The following RTN4RL1 variants were observed in gnomAD, a reference collection of about 807,000 sequenced individuals.
RTN4RL1 encodes the protein reticulon 4 receptor like 1.
Under a neutral mutation model 25.6 loss-of-function variants are expected in RTN4RL1, and 7 were observed. The observed-to-expected ratio is 0.27, with a 90% CI of 0.16 to 0.51. RTN4RL1 has a LOEUF of 0.51. RTN4RL1 is among the 20% of genes least tolerant of loss of function. RTN4RL1 has a pLI of 0.97. For synonymous variants in RTN4RL1, 297 were observed against 288.2 expected, an observed-to-expected ratio of 1.03 and a Z score of -0.31; for missense variants, 500 against 615.6, an observed-to-expected ratio of 0.81 and a Z score of 1.99.
At chr17:1,962,165 A>C (rs967803154) in intron 1 of RTN4RL1, among the ~76,000 whole-genome samples, 1 of 151,158 alleles carries the variant, frequency 6.6e-6, no homozygotes, top group South Asian at 2.1e-4. Flanking sequence ...ATGCAGTCCC[A>C]GCTACTCAGG....
rs1375961303 is a variant in RTN4RL1 at position 1,937,626 on chromosome 17, T to C, written c.196A>G (p.Ile66Val). 4 of 1,613,888 alleles carry C rather than the reference T, an allele frequency of 2.5e-6. No homozygotes were observed. The highest frequency in any genetic ancestry group is 8.5e-7 in the Non-Finnish European group (1 of 1,179,830). Residue 66 changes from isoleucine to valine, a missense_variant, in exon 2 of 2, where the codon ATC becomes GTC. Ile to Val is a conservative substitution (Grantham distance 29). Coordinates refer to ENST00000331238, the MANE Select transcript of RTN4RL1 (RefSeq NM_178568.4). ...SERVFLQNNR[I>V]GLLQPGHFSP... ...AAGTGGCCGGGCTGGAGGAGGCCGA[T>C]GCGGTTGTTCTGCAGGAAGACGCGC...
chr17:1,982,083 T>C lies in RTN4RL1; in HGVS notation c.13+42770A>G, dbSNP rs569051414. Among the ~76,000 whole-genome samples, 44 of 143,004 alleles carry C rather than the reference T, an allele frequency of 3.1e-4. 1 individual carries two copies. The South Asian group carries it at 9.1e-3, about 30-fold the overall frequency. The allele number at this position is 143,004 out of a possible 152,430, so 93.8% of individuals were successfully genotyped here. A position where few individuals can be genotyped will look rare whatever the true frequency, so the allele number is the denominator to read the frequency against. On this transcript the variant is annotated intron_variant, in intron 1 of 1. Transcript: ENST00000331238. ...GGGAGGCCGAGGCGGGTGGATCACC[T>C]GAGGTCAGGAGTTCCAGACCAGCAT...
chr17:1,945,109 A>G (rs1915510656), intron 1 of RTN4RL1, among the ~76,000 whole-genome samples: 1 of 151,990 alleles, frequency 6.6e-6, no homozygotes, highest in Non-Finnish European at 1.5e-5. Context: ...CTCTGCCTGG[A>G]GCGCTTCCCA....
rs140402594 is a variant in RTN4RL1, at chr17:1,997,519, T to C, written c.13+27334A>G. ...TGCAGGTCTGAACTTGTCTGTCTGGTAGTCGACAAGTATGACTGGCCCATA... is the reference window on the plus strand; with the variant it reads ...TGCAGGTCTGAACTTGTCTGTCTGGCAGTCGACAAGTATGACTGGCCCATA... On this transcript the variant is annotated intron_variant, in intron 1 of 1. Coordinates refer to ENST00000331238, the MANE Select transcript of RTN4RL1 (RefSeq NM_178568.4). 1.2e-4 allele frequency among the ~76,000 whole-genome samples: 18 copies of C among 152,368 alleles called. No individual in the cohort carries two copies. In the East Asian group the frequency reaches 3.1e-3, roughly 26 times the overall value.
chr17:1,943,278 C>A (rs1321908981), intron 1 of RTN4RL1, among the ~76,000 whole-genome samples: 1 of 152,244 alleles, frequency 6.6e-6, no homozygotes, highest in African/African-American at 2.4e-5. Flanking sequence ...GACTGCAAGT[C>A]CAGGGCTCTG....
At chr17:1,955,758 A>G (rs1015590860) in intron 1 of RTN4RL1, among the ~76,000 whole-genome samples, 1 of 151,400 alleles carries the variant, frequency 6.6e-6, no homozygotes, top group East Asian at 2.0e-4. Flanking sequence ...GAATTTTTGT[A>G]TTTTTAGTAG....
chr17:2,024,748 G>A (rs968683237), intron 1 of RTN4RL1, 105 bp downstream of exon 1: 5 of 1,175,582 alleles, frequency 4.3e-6, no homozygotes, highest in East Asian at 5.5e-5. Flanking sequence ...CAGCCCGCCG[G>A]GGGCTACTTC....
rs1337468366 is a variant in RTN4RL1, at chr17:1,937,005, A to G, written c.817T>C (p.Phe273Leu). 6.2e-7 allele frequency: 1 copy of G among 1,603,936 alleles called. No individual in the cohort carries two copies. Among genetic ancestry groups the G allele is most frequent in the East Asian group, 2.2e-5 (1 of 44,648 alleles). The change falls in exon 2 of 2, where the codon TTC (phenylalanine) becomes CTC (leucine). Residue 273 changes from phenylalanine (F) to leucine (L), a missense_variant. By Grantham distance (22) the Phe-to-Leu change is conservative. Transcript: ENST00000331238. ...GGGACAGCGGAGCTGGAGCCCCGGA[A>G]CCTCTGCAGCCATTCCCACAGGGAG... ...ARSLWEWLQR[F>L]RGSSSAVPCV...
intron 1 of RTN4RL1, among the ~76,000 whole-genome samples, chr17:2,008,854 C>T (rs2067021639): frequency 6.6e-6 from 1 of 152,098 alleles, no homozygotes; most frequent in Non-Finnish European, 1.5e-5. Context: ...CCGCCTTCCC[C>T]CTGGCTTGAA....
chr17:1,938,348 G>C (rs968483216), intron 1 of RTN4RL1, among the ~76,000 whole-genome samples: 13 of 151,898 alleles, frequency 8.6e-5, no homozygotes, highest in African/African-American at 3.1e-4. Context: ...TGTTGCCCAG[G>C]CTGGAGTGCA....
intron 1 of RTN4RL1, among the ~76,000 whole-genome samples, chr17:1,951,251 C>T (rs897624001): frequency 3.2e-4 from 48 of 149,944 alleles, no homozygotes; most frequent in African/African-American, 1.2e-3. Context: ...GGCGACAGAG[C>T]GAGACTCCGT....
chr17:1,966,670 C>A (rs1265133417), intron 1 of RTN4RL1, among the ~76,000 whole-genome samples: 1 of 152,108 alleles, frequency 6.6e-6, no homozygotes, highest in Non-Finnish European at 1.5e-5. Context: ...ACTAACATAG[C>A]CAAGGGTCTG....
At chr17:1,943,642 C>A (rs887051942) in intron 1 of RTN4RL1, among the ~76,000 whole-genome samples, 1 of 152,336 alleles carries the variant, frequency 6.6e-6, no homozygotes, top group African/African-American at 2.4e-5. Context: ...CAGGCCAGGC[C>A]GGCTGCACTT....
chr17:1,977,152 T>C (rs1195283368), intron 1 of RTN4RL1, among the ~76,000 whole-genome samples: 5 of 152,232 alleles, frequency 3.3e-5, no homozygotes, highest in African/African-American at 1.2e-4. Flanking sequence ...AATACATTTA[T>C]CTAAGTGAAA....
intron 1 of RTN4RL1, among the ~76,000 whole-genome samples, chr17:1,971,833 G>A (rs1364637446): frequency 6.6e-6 from 1 of 151,494 alleles, no homozygotes; most frequent in East Asian, 1.9e-4. Flanking sequence ...GTGGTGGCGG[G>A]CGCCTGTAGT....
At chr17:1,952,477 C>A (rs947402656) in intron 1 of RTN4RL1, among the ~76,000 whole-genome samples, 3 of 151,484 alleles carry the variant, frequency 2.0e-5, no homozygotes, top group Non-Finnish European at 4.4e-5. Flanking sequence ...GCTGGGATTG[C>A]GAATGCAGGC....
At chr17:2,013,997 ACT>A (rs1484740815) in intron 1 of RTN4RL1, among the ~76,000 whole-genome samples, 11 of 152,018 alleles carry the variant, frequency 7.2e-5, no homozygotes, top group African/African-American at 1.9e-4. Flanking sequence ...CTTCTCCCCT[ACT>A]CTGTTTCAAC....
intron 1 of RTN4RL1, among the ~76,000 whole-genome samples, chr17:1,963,598 G>T (rs4525525): frequency 0.25 from 37,293 of 152,170 alleles, 4,777 homozygotes; most frequent in Admixed American, 0.34. Context: ...GGGCCTCTAG[G>T]ATCAGAGCGG....
Position 2,024,975 on chromosome 17 carries a change from G to T in RTN4RL1, c.-110C>A. On this transcript the variant is annotated 5_prime_UTR_variant, in exon 1 of 2. Transcript: ENST00000331238. ...AGCTAATCCGAGCGCGTCGAGGCGG[G>T]GGCAAGCCGGGGATCCGCTCGTGCC... is the stretch of plus-strand genomic sequence containing the variant. The T allele has an allele frequency of 8.4e-7, 1 of 1,196,964 alleles. No individual in the cohort carries two copies. The allele number at this position is 1,196,964 out of a possible 1,614,324, so 74.1% of individuals were successfully genotyped here. A position where few individuals can be genotyped will look rare whatever the true frequency, so the allele number is the denominator to read the frequency against.
Sources: gnomAD v4.1 joint callset for allele counts (sites outside exome capture counted in the v4.1 genomes callset) on GRCh38, gnomAD v4.1.1 for gene constraint, MANE v1.5 for transcripts, NCBI Gene and HGNC (gene_info 2026-07-23, HGNC 2026-07-21) for gene names.